Variants in RBFOX1 observed in about 807,000 individuals in gnomAD.
RBFOX1 encodes RNA binding protein fox-1 homolog 1.
Under a neutral mutation model 57.7 loss-of-function variants are expected in RBFOX1, and 8 were observed. The observed-to-expected ratio is 0.14, with a 90% CI of 0.08 to 0.25. The LOEUF (loss-of-function observed/expected upper bound fraction) is 0.25. RBFOX1 is among the 10% of genes least tolerant of loss of function. The probability of loss-of-function intolerance (pLI) is 1.00; values close to 1 mark genes in which losing one functional copy is unlikely to be tolerated. For missense variants in RBFOX1, 611 were observed against 548.5 expected (o/e 1.11, Z -1.14); for synonymous variants, 326 against 222.4 (o/e 1.47, Z -4.15).
chr16:5,836,095 A>T (rs1418137055), intron 3 of RBFOX1, among the ~76,000 whole-genome samples: 1 of 152,164 alleles, frequency 6.6e-6, no homozygotes, highest in East Asian at 1.9e-4. Context: ...GCAGATGTTT[A>T]ATTAGTCGTG....
intron 1 of RBFOX1, among the ~76,000 whole-genome samples, chr16:6,299,425 T>C (rs2078531560): frequency 1.3e-5 from 2 of 152,184 alleles, no homozygotes; most frequent in South Asian, 4.1e-4. Context: ...ATGACTTCCA[T>C]ATTACGGGTG....
At chr16:7,378,474 G>C (rs1454167156) in intron 4 of RBFOX1, among the ~76,000 whole-genome samples, 1 of 152,190 alleles carries the variant, frequency 6.6e-6, no homozygotes, top group Non-Finnish European at 1.5e-5. Context: ...AGCCTTCTGA[G>C]CCGGCTGGTA....
chr16:7,429,560 G>A (rs2098658271), intron 4 of RBFOX1, among the ~76,000 whole-genome samples: 1 of 152,160 alleles, frequency 6.6e-6, no homozygotes, highest in South Asian at 2.1e-4. Flanking sequence ...CACCTATTTT[G>A]TCCTCTCATA....
chr16:7,227,565 G>C (rs911729610), intron 4 of RBFOX1, among the ~76,000 whole-genome samples: 2 of 152,164 alleles, frequency 1.3e-5, no homozygotes, highest in Non-Finnish European at 2.9e-5. Flanking sequence ...TTCGGAGTCC[G>C]AAAGCATTGA....
At chr16:6,895,122 A>C (rs2066444601) in intron 3 of RBFOX1, among the ~76,000 whole-genome samples, 1 of 152,108 alleles carries the variant, frequency 6.6e-6, no homozygotes, top group South Asian at 2.1e-4. Context: ...TTTTCCATAG[A>C]AGTTCAGTTC....
chr16:5,782,747 A>C (rs2054365174), intron 3 of RBFOX1, among the ~76,000 whole-genome samples: 1 of 152,224 alleles, frequency 6.6e-6, no homozygotes, highest in African/African-American at 2.4e-5. Flanking sequence ...CCTAACCAGC[A>C]ATCTGGAGAC....
chr16:5,288,001 C>A (rs533584025), intron 1 of RBFOX1, among the ~76,000 whole-genome samples: 2 of 152,140 alleles, frequency 1.3e-5, no homozygotes, highest in Non-Finnish European at 2.9e-5. Flanking sequence ...GCAGCCCAGG[C>A]AATGGGGGCC....
chr16:6,439,824 A>T (rs1415347297), intron 2 of RBFOX1, among the ~76,000 whole-genome samples: 1 of 152,116 alleles, frequency 6.6e-6, no homozygotes, highest in Non-Finnish European at 1.5e-5. Flanking sequence ...AACCAAGGTG[A>T]GCATCCGACC....
At chr16:7,052,466 G>A (rs929092695) in intron 4 of RBFOX1, among the ~76,000 whole-genome samples, 1 of 152,178 alleles carries the variant, frequency 6.6e-6, no homozygotes, top group African/African-American at 2.4e-5. Flanking sequence ...TTTGCTGAGT[G>A]GCTAAAATGC....
chr16:6,948,580 C>T (rs1234200374), intron 3 of RBFOX1, among the ~76,000 whole-genome samples: 1 of 151,734 alleles, frequency 6.6e-6, no homozygotes, highest in Non-Finnish European at 1.5e-5. Flanking sequence ...CAGGGTTTCA[C>T]CATGTTGGCC....
chr16:5,446,270 C>T (rs1320660883), intron 1 of RBFOX1, among the ~76,000 whole-genome samples: 1 of 152,032 alleles, frequency 6.6e-6, no homozygotes, highest in African/African-American at 2.4e-5. Context: ...GTGGGCAAAA[C>T]ATCAGGAATG....
Position 7,394,095 on chromosome 16 carries a change from G to A in RBFOX1, c.28-124052G>A, listed in dbSNP as rs530043740. On this transcript the variant is annotated intron_variant, in intron 4 of 15. Transcript: ENST00000550418. The stretch of plus-strand genomic sequence containing the variant: ...TACGAAAAATACCAAAATTAGCCGG[G>A]TGTCCTGGTGCGTGCCTGTAATCCT... Among the ~76,000 whole-genome samples the A allele has an allele frequency of 2.0e-5, 3 of 152,010 alleles. No homozygotes were observed. In the East Asian group the frequency reaches 5.8e-4, roughly 29 times the overall value.
At chr16:5,446,733 G>A (rs909292735) in intron 1 of RBFOX1, among the ~76,000 whole-genome samples, 15 of 152,092 alleles carry the variant, frequency 9.9e-5, no homozygotes, top group Non-Finnish European at 1.9e-4. Context: ...TGGTAGCTTA[G>A]ACTAAGTTCT....
chr16:6,938,409 A>G (rs1473895935), intron 3 of RBFOX1, among the ~76,000 whole-genome samples: 1 of 152,164 alleles, frequency 6.6e-6, no homozygotes, highest in Non-Finnish European at 1.5e-5. Flanking sequence ...AGGGTCGGAA[A>G]AATGTAACTG....
intron 1 of RBFOX1, among the ~76,000 whole-genome samples, chr16:6,066,245 A>C (rs1478292839): frequency 1.5e-5 from 2 of 136,484 alleles, no homozygotes; most frequent in Non-Finnish European, 3.0e-5. Flanking sequence ...CAGTGATCCA[A>C]GATTGTGCCA....
intron 4 of RBFOX1, among the ~76,000 whole-genome samples, chr16:7,365,537 T>C (rs2097425852): frequency 6.6e-6 from 1 of 152,220 alleles, no homozygotes; most frequent in Non-Finnish European, 1.5e-5. Context: ...TTTTTGGTTG[T>C]CTCAATTGTG....
chr16:5,868,198 C>T (rs978504621), intron 4 of RBFOX1, among the ~76,000 whole-genome samples: 2 of 152,222 alleles, frequency 1.3e-5, no homozygotes, highest in Admixed American at 1.3e-4. Context: ...GAGCCGGTCA[C>T]TCTCACTCCT....
At chr16:7,551,836 A>G (rs1000938842) in intron 5 of RBFOX1, among the ~76,000 whole-genome samples, 1 of 152,130 alleles carries the variant, frequency 6.6e-6, no homozygotes, top group Non-Finnish European at 1.5e-5. Flanking sequence ...TTCTTTTTCC[A>G]ACATACTACG....
chr16:5,370,117 C>A (rs1315388046), intron 1 of RBFOX1, among the ~76,000 whole-genome samples: 4 of 152,272 alleles, frequency 2.6e-5, no homozygotes, highest in Admixed American at 2.0e-4. Context: ...TACAGAAATA[C>A]CTGCTCTTGT....
Sources: allele counts gnomAD v4.1 joint callset (sites outside exome capture counted in the v4.1 genomes callset), GRCh38; gene constraint gnomAD v4.1.1; transcripts MANE v1.5; gene names NCBI Gene and HGNC (gene_info 2026-07-23, HGNC 2026-07-21).